The following GLIS3 variants were observed in gnomAD, a reference collection of about 807,000 sequenced individuals.
GLIS3 encodes zinc finger protein GLIS3.
Under a neutral mutation model 78.6 loss-of-function variants are expected in GLIS3, and 53 were observed. The observed-to-expected ratio is 0.67, with a 90% CI of 0.54 to 0.85. GLIS3 has a LOEUF of 0.85. Among genes scored for constraint, GLIS3 ranks in the 40% least tolerant of loss-of-function variants. GLIS3 has a pLI of 0.00. For missense variants in GLIS3, 1,703 were observed against 1,231.1 expected, an observed-to-expected ratio of 1.38 and a Z score of -5.74; for synonymous variants, 684 against 509.9, an observed-to-expected ratio of 1.34 and a Z score of -4.60.
intron 4 of GLIS3, among the ~76,000 whole-genome samples, chr9:4,088,243 A>C (rs879759966): frequency 5.3e-5 from 8 of 152,232 alleles, no homozygotes; most frequent in Admixed American, 5.2e-4. Context: ...AATTTAATTT[A>C]CCGACCTGCC....
chr9:3,829,373 A>T lies in GLIS3; in HGVS notation c.2593T>A (p.Ser865Thr). 3 of 1,614,132 alleles carry T rather than the reference A, an allele frequency of 1.9e-6. No homozygotes were observed. Among genetic ancestry groups the T allele is most frequent in the Non-Finnish European group, 8.5e-7 (1 of 1,179,998 alleles). Residue 865 changes from serine (S) to threonine (T), a missense_variant, in exon 10 of 11, where the codon TCC becomes ACC. Physicochemically the swap from Ser to Thr is moderately conservative, Grantham distance 58. Transcript: ENST00000381971. ...PSFEDCLVPT[S>T]MGQASFDVFH... ...ACATCAAAACTGGCCTGGCCCATGG[A>T]TGTAGGGACTAGGCAGTCCTCAAAC...
the GLIS3 span, among the ~76,000 whole-genome samples, chr9:4,482,929 A>G: frequency 7.9e-5 from 12 of 152,212 alleles, no homozygotes; most frequent in African/African-American, 2.9e-4. Context: ...CTTAGGGAAA[A>G]AAAGAGAGAA....
At chr9:3,876,628 C>G (rs1259826236) in intron 8 of GLIS3, among the ~76,000 whole-genome samples, 1 of 30,522 alleles carries the variant, frequency 3.3e-5, no homozygotes, top group East Asian at 7.2e-4. Context: ...AAAGAATCAC[C>G]AAAGTCAGAG....
intron 2 of GLIS3, among the ~76,000 whole-genome samples, chr9:4,188,818 T>A (rs1818048301): frequency 6.6e-6 from 1 of 152,246 alleles, no homozygotes; most frequent in Non-Finnish European, 1.5e-5. Flanking sequence ...TGGTAGTCTG[T>A]ATTTCTGTGG....
At chr9:3,906,090 G>C (rs1320137899) in intron 6 of GLIS3, among the ~76,000 whole-genome samples, 1 of 152,212 alleles carries the variant, frequency 6.6e-6, no homozygotes, top group Non-Finnish European at 1.5e-5. Flanking sequence ...GTGAGCAAGG[G>C]AGCAAGAGGA....
intron 4 of GLIS3, among the ~76,000 whole-genome samples, chr9:4,030,610 G>C (rs555407526): frequency 4.1e-4 from 62 of 152,252 alleles, no homozygotes; most frequent in African/African-American, 1.4e-3. Flanking sequence ...TTGAATTTTA[G>C]AGACAGGGGT....
At chr9:4,062,362 G>C (rs1466748551) in intron 4 of GLIS3, among the ~76,000 whole-genome samples, 1 of 152,176 alleles carries the variant, frequency 6.6e-6, no homozygotes, top group Non-Finnish European at 1.5e-5. Context: ...AAGGAAAGAA[G>C]GGGTTCTAAA....
chr9:3,836,859 T>G (rs772837526), intron 9 of GLIS3, among the ~76,000 whole-genome samples: 24 of 152,074 alleles, frequency 1.6e-4, no homozygotes, highest in South Asian at 6.2e-4. Context: ...GCTGTTCGTC[T>G]TCTTCTTCCT....
intron 8 of GLIS3, among the ~76,000 whole-genome samples, chr9:3,870,793 T>A (rs1820923890): frequency 6.6e-6 from 1 of 152,230 alleles, no homozygotes; most frequent in African/African-American, 2.4e-5. Context: ...AGCCAAACCA[T>A]ATAATTCCAC....
At chr9:4,456,511 C>G in the GLIS3 span, among the ~76,000 whole-genome samples, 79 of 152,330 alleles carry the variant, frequency 5.2e-4, no homozygotes, top group African/African-American at 1.8e-3. Flanking sequence ...ATTCTGCTTT[C>G]TTATCACTTG....
At chr9:4,479,017 G>A in the GLIS3 span, among the ~76,000 whole-genome samples, 11 of 152,104 alleles carry the variant, frequency 7.2e-5, no homozygotes, top group African/African-American at 2.7e-4. Flanking sequence ...CCAGAATGTG[G>A]GGAATTTTGT....
the GLIS3 span, among the ~76,000 whole-genome samples, chr9:4,400,076 G>A: frequency 3.3e-5 from 5 of 152,196 alleles, no homozygotes; most frequent in Admixed American, 6.5e-5. Context: ...GCCATGTAAC[G>A]AGTTTGCTCC....
intron 1 of GLIS3, among the ~76,000 whole-genome samples, chr9:4,296,963 T>C (rs916238748): frequency 4.0e-5 from 6 of 149,106 alleles, no homozygotes; most frequent in African/African-American, 1.5e-4. Context: ...CTAAATTGCT[T>C]CAAACTTTCT....
intron 4 of GLIS3, among the ~76,000 whole-genome samples, chr9:3,985,861 T>C (rs976382795): frequency 3.9e-5 from 6 of 152,214 alleles, no homozygotes; most frequent in Admixed American, 3.9e-4. Flanking sequence ...AAAAGTTACT[T>C]TCCCTCTAGT....
At chr9:4,158,918 G>A (rs917242211) in intron 2 of GLIS3, among the ~76,000 whole-genome samples, 1 of 151,392 alleles carries the variant, frequency 6.6e-6, no homozygotes, top group East Asian at 2.0e-4. Flanking sequence ...GATGCAAATA[G>A]TGAGAAGAAA....
At chr9:4,485,916 T>A in the GLIS3 span, among the ~76,000 whole-genome samples, 3 of 152,146 alleles carry the variant, frequency 2.0e-5, no homozygotes, top group African/African-American at 7.2e-5. Flanking sequence ...AGAGATGGCG[T>A]TTCACTATGT....
chr9:4,220,927 G>T (rs1180256367), intron 2 of GLIS3, among the ~76,000 whole-genome samples: 1 of 152,094 alleles, frequency 6.6e-6, no homozygotes, highest in East Asian at 1.9e-4. Flanking sequence ...GGAGGTTGCA[G>T]TGAGCCATGA....
At chr9:4,203,529 C>A (rs1156807272) in intron 2 of GLIS3, among the ~76,000 whole-genome samples, 2 of 152,068 alleles carry the variant, frequency 1.3e-5, no homozygotes, top group Non-Finnish European at 2.9e-5. Flanking sequence ...GTAAATGAAT[C>A]AATATTTAAA....
At chr9:4,157,475 G>A (rs1474173776) in intron 2 of GLIS3, among the ~76,000 whole-genome samples, 1 of 152,118 alleles carries the variant, frequency 6.6e-6, no homozygotes, top group African/African-American at 2.4e-5. Context: ...TCTTTGGGGT[G>A]GGGAGCAGAG....
Sources: allele counts gnomAD v4.1 joint callset (sites outside exome capture counted in the v4.1 genomes callset), GRCh38; gene constraint gnomAD v4.1.1; transcripts MANE v1.5; gene names NCBI Gene and HGNC (gene_info 2026-07-23, HGNC 2026-07-21).